Variants in C8B observed in about 807,000 individuals in gnomAD.
C8B encodes complement component C8 beta chain.
Under a neutral mutation model 64.6 loss-of-function variants are expected in C8B, and 67 were observed. The observed-to-expected ratio is 1.04, with a 90% confidence interval of 0.85 to 1.27. The LOEUF is 1.27. Ranked by LOEUF, C8B falls within the 50% of genes most tolerant of loss-of-function variation. C8B has a pLI of 0.00. For synonymous variants in C8B, 284 were observed against 257.7 expected (o/e 1.10, Z -0.98); for missense variants, 790 against 725.2 (o/e 1.09, Z -1.03).
intron 3 of C8B, among the ~76,000 whole-genome samples, chr1:56,955,694 G>A (rs925481171): frequency 1.3e-5 from 2 of 152,178 alleles, no homozygotes; most frequent in African/African-American, 2.4e-5. Flanking sequence ...GCCATAATGA[G>A]TCCACGGATA....
At chr1:56,941,048 T>C in intron 8 of C8B, 36 bp from the exon 9 acceptor site, 1 of 1,611,746 alleles carries the variant, frequency 6.2e-7, no homozygotes, top group Non-Finnish European at 8.5e-7. Flanking sequence ...TCACAGAAGA[T>C]ATCCCTTTGC....
rs962981676 is a variant in C8B at position 56,965,866 on chromosome 1, G to C, written c.83C>G (p.Pro28Arg). 3.1e-6 allele frequency: 5 copies of C among 1,614,016 alleles called. No individual in the cohort carries two copies. The highest frequency in any genetic ancestry group is 3.4e-6 in the Non-Finnish European group (4 of 1,180,024). ...LCAALGCLSL[P>R]GSRGERPHSF... ...GGTAACTGTCACTTACCTGGAGCCA[G>C]GCAAACTGAGACAGCCCAGGGCAGC... is the stretch of plus-strand genomic sequence containing the variant. The change falls in exon 1 of 12, where the codon CCT (proline) becomes CGT (arginine). Residue 28 changes from proline to arginine, a missense_variant. Transcript: ENST00000371237.
intron 9 of C8B, among the ~76,000 whole-genome samples, chr1:56,936,179 T>G (rs1325212334): frequency 6.6e-6 from 1 of 152,250 alleles, no homozygotes; most frequent in Non-Finnish European, 1.5e-5. Context: ...GCATTGGGTG[T>G]TGTTGGATGA....
Position 56,952,117 on chromosome 1 carries a change from T to A in C8B, c.597A>T (p.Gly199=). 1 of 1,614,148 alleles carries A rather than the reference T, an allele frequency of 6.2e-7. No individual in the cohort carries two copies. Among genetic ancestry groups the A allele is most frequent in the East Asian group, 2.2e-5 (1 of 44,874 alleles). ...PVLDHRYYAG[G]CSPHYILNTR... ...TGTTCAGGATGTAATGCGGGGAGCA[T>A]CCACCTGCATAATACCTGTGATCAA... The change falls in exon 5 of 12, where the codon GGA becomes GGT. Residue 199 remains glycine (G), a synonymous_variant. Coordinates refer to ENST00000371237, the MANE Select transcript of C8B (RefSeq NM_000066.4).
intron 10 of C8B, 41 bp from the exon 11 acceptor site, chr1:56,931,919 G>A (rs1437514890): frequency 6.8e-7 from 1 of 1,460,806 alleles, no homozygotes; most frequent in South Asian, 1.1e-5. Flanking sequence ...CATGCCAGGT[G>A]GAGCAAAGAA....
chr1:56,955,655 A>G (rs1012148242), intron 3 of C8B, among the ~76,000 whole-genome samples: 10 of 152,210 alleles, frequency 6.6e-5, no homozygotes, highest in Non-Finnish European at 1.2e-4. Flanking sequence ...AATAACCATC[A>G]TGGCTTTCAT....
intron 6 of C8B, among the ~76,000 whole-genome samples, chr1:56,948,441 AT>A (rs1290619677): frequency 6.6e-6 from 1 of 152,172 alleles, no homozygotes; most frequent in South Asian, 2.1e-4. Flanking sequence ...AGAGGGGAAT[AT>A]GCCATTAACA....
At chr1:56,949,807 T>C in intron 5 of C8B, 55 bp from the exon 6 acceptor site, 1 of 1,249,578 alleles carries the variant, frequency 8.0e-7, no homozygotes, top group Non-Finnish European at 1.1e-6. Flanking sequence ...ATCAGTTCAA[T>C]ACCAGTGAGC....
intron 1 of C8B, among the ~76,000 whole-genome samples, chr1:56,965,148 G>A (rs1034003912): frequency 6.6e-6 from 1 of 152,194 alleles, no homozygotes; most frequent in Non-Finnish European, 1.5e-5. Flanking sequence ...CCACAGGAGT[G>A]TTTACATGGA....
In C8B at chr1:56,954,821, C is replaced by T. The variant is rs1645079050; in HGVS notation, c.398G>A (p.Cys133Tyr). The change falls in exon 4 of 12, where the codon TGT (cysteine) becomes TAT (tyrosine). Residue 133 changes from cysteine (C) to tyrosine (Y), a missense_variant. By Grantham distance (194) the Cys-to-Tyr change is radical. Coordinates refer to ENST00000371237, the MANE Select transcript of C8B (RefSeq NM_000066.4). ...EGFVCAQTGR[C>Y]VNRRLLCNGD... ...ATTGCAAAGAAGTCTGCGGTTTACA[C>T]ACCTTCCTAGAATGGAGAAAGAGTA... is the stretch of plus-strand genomic sequence containing the variant. 1 of 1,614,028 alleles carries T rather than the reference C, an allele frequency of 6.2e-7. No homozygotes were observed. Among genetic ancestry groups the T allele is most frequent in the African/African-American group, 1.3e-5 (1 of 74,922 alleles).
intron 6 of C8B, among the ~76,000 whole-genome samples, chr1:56,947,263 A>T (rs747224461): frequency 6.6e-6 from 1 of 152,096 alleles, no homozygotes; most frequent in Non-Finnish European, 1.5e-5. Context: ...TGAGTATAAG[A>T]TCATCACAAT....
rs1570391807 is a variant in C8B, at chr1:56,948,605, A to T, written c.864+950T>A. Among the ~76,000 whole-genome samples the T allele has an allele frequency of 2.0e-5, 3 of 152,182 alleles. No individual in the cohort carries two copies. The East Asian group carries it at 5.8e-4, about 29-fold the overall frequency. On this transcript the variant is annotated intron_variant, in intron 6 of 11. Transcript: ENST00000371237. The stretch of plus-strand genomic sequence containing the variant: ...CATAGCTTGTCCCTGTAAAAGAGGA[A>T]GTGAGTCGAAGAGGGCAGGCACCCA...
chr1:56,942,360 G>A (rs1303449127), intron 8 of C8B, among the ~76,000 whole-genome samples: 3 of 152,192 alleles, frequency 2.0e-5, no homozygotes. Flanking sequence ...AATCATATCA[G>A]TGAGTTATTT....
At chr1:56,963,193 C>T (rs600876) in intron 1 of C8B, among the ~76,000 whole-genome samples, 48,555 of 151,898 alleles carry the variant, frequency 0.32, 8,226 homozygotes, top group South Asian at 0.58. Context: ...GCCCAGGTCT[C>T]CCACTCTTTT....
chr1:56,948,539 T>G (rs930964568), intron 6 of C8B, among the ~76,000 whole-genome samples: 1 of 152,054 alleles, frequency 6.6e-6, no homozygotes, highest in Non-Finnish European at 1.5e-5. Context: ...ATAGGGAAGG[T>G]CTGAAGTTTA....
chr1:56,941,515 TAGATAG>T (rs1238417740), intron 8 of C8B, among the ~76,000 whole-genome samples: 3 of 77,144 alleles, frequency 3.9e-5, no homozygotes, highest in African/African-American at 7.9e-5. Flanking sequence ...GATACATAGA[TAGATAG>T]ATAGATAGAT....
chr1:56,945,446 T>C (rs1644927219), intron 7 of C8B, among the ~76,000 whole-genome samples: 2 of 152,320 alleles, frequency 1.3e-5, no homozygotes, highest in South Asian at 4.1e-4. Flanking sequence ...AAGTTCTCTT[T>C]GGGCACATGT....
At chr1:56,946,595 A>G (rs1260835657) in intron 6 of C8B, among the ~76,000 whole-genome samples, 1 of 152,224 alleles carries the variant, frequency 6.6e-6, no homozygotes, top group African/African-American at 2.4e-5. Flanking sequence ...TACGGTTTAC[A>G]ACTGGTGTCA....
At chr1:56,938,748 G>A (rs1644808283) in intron 9 of C8B, among the ~76,000 whole-genome samples, 1 of 152,192 alleles carries the variant, frequency 6.6e-6, no homozygotes, top group Admixed American at 6.5e-5. Flanking sequence ...AGCCTTGGTT[G>A]AAACTATTGC....
Sources: allele counts gnomAD v4.1 joint callset (sites outside exome capture counted in the v4.1 genomes callset), GRCh38; gene constraint gnomAD v4.1.1; transcripts MANE v1.5; gene names NCBI Gene and HGNC (gene_info 2026-07-23, HGNC 2026-07-21).